ADD3: variants seen among roughly 807,000 people sequenced by gnomAD.
ADD3 encodes the protein adducin 3.
ADD3 carries 25 observed loss-of-function variants against 80.2 expected under a neutral mutation model. The ratio of observed to expected loss-of-function variants is 0.31; its 90% confidence interval spans 0.23 to 0.44. ADD3 has a LOEUF of 0.44. Among genes scored for constraint, ADD3 ranks in the 20% least tolerant of loss-of-function variants. The pLI is 1.00. For synonymous variants in ADD3, 284 were observed against 289.6 expected (o/e 0.98, Z 0.20); for missense variants, 829 against 847.5 (o/e 0.98, Z 0.27).
At chr10:110,079,264 A>C (rs1326273402) in intron 1 of ADD3, 1 of 152,104 alleles carries the variant, frequency 6.6e-6, no homozygotes, top group African/African-American at 2.4e-5. Context: ...GCTCCGTGGA[A>C]TTTCCTTTCT....
Position 110,128,324 on chromosome 10 carries a change from C to G in ADD3, c.1608+1821C>G, listed in dbSNP as rs569419292. On this transcript the variant is annotated intron_variant, in intron 12 of 14. Transcript: ENST00000356080. ...ATTTTTTTCTTTTCTCTCCTACTTG[C>G]CATCTCTTTATCTTTGTATCCTACT... Among the ~76,000 whole-genome samples, 119 of 151,854 alleles carry G rather than the reference C, an allele frequency of 7.8e-4. 1 individual carries two copies. Among genetic ancestry groups the G allele is most frequent in the African/African-American group, 2.8e-3 (116 of 41,492 alleles).
intron 1 of ADD3, among the ~76,000 whole-genome samples, chr10:110,075,934 T>C (rs896363384): frequency 1.3e-5 from 2 of 152,226 alleles, no homozygotes; most frequent in African/African-American, 4.8e-5. Flanking sequence ...GAGGATGTTC[T>C]AGGCCATCTC....
At chr10:110,124,351 A>C in intron 10 of ADD3, 77 bp downstream of exon 10, 1 of 1,482,850 alleles carries the variant, frequency 6.7e-7, no homozygotes, top group Non-Finnish European at 9.2e-7. Flanking sequence ...TTCTATATTG[A>C]AAATATTTGG....
intron 1 of ADD3, among the ~76,000 whole-genome samples, chr10:110,047,981 G>T (rs1256078349): frequency 6.6e-6 from 1 of 152,256 alleles, no homozygotes; most frequent in East Asian, 1.9e-4. Flanking sequence ...ATATGGTGTG[G>T]CTGTGTCCCC....
At chr10:110,085,768 G>C in intron 1 of ADD3, among the ~76,000 whole-genome samples, 1 of 152,170 alleles carries the variant, frequency 6.6e-6, no homozygotes, top group Non-Finnish European at 1.5e-5. Flanking sequence ...AAGTGAATTA[G>C]GCTGCTTGAG....
chr10:110,004,037 T>TTG (rs1851541711), upstream of ADD3, among the ~76,000 whole-genome samples: 4 of 151,960 alleles, frequency 2.6e-5, no homozygotes, highest in Non-Finnish European at 5.9e-5. Context: ...TGGGAAGAGG[T>TTG]AAAGAAATGC....
chr10:110,003,062 T>C (rs1437960089), upstream of ADD3, among the ~76,000 whole-genome samples: 1 of 152,206 alleles, frequency 6.6e-6, no homozygotes, highest in Non-Finnish European at 1.5e-5. Context: ...AAGTTTCAAA[T>C]GAATGGCTCA....
chr10:110,034,172 T>G (rs1855373472), intron 1 of ADD3, among the ~76,000 whole-genome samples: 1 of 152,140 alleles, frequency 6.6e-6, no homozygotes, highest in Non-Finnish European at 1.5e-5. Flanking sequence ...AGAGTTTATT[T>G]TTTTGATTAC....
chr10:110,128,334 A>G (rs115390248), intron 12 of ADD3, among the ~76,000 whole-genome samples: 1,738 of 151,562 alleles, frequency 0.011, 30 homozygotes, highest in African/African-American at 0.037. Flanking sequence ...CCATCTCTTT[A>G]TCTTTGTATC....
intron 2 of ADD3, among the ~76,000 whole-genome samples, chr10:110,105,017 G>A (rs886664794): frequency 1.3e-5 from 2 of 152,034 alleles, no homozygotes; most frequent in Non-Finnish European, 2.9e-5. Flanking sequence ...TTAATTCAAC[G>A]CAACCTGGAA....
chr10:110,040,662 T>G (rs1856199354), intron 1 of ADD3, among the ~76,000 whole-genome samples: 1 of 152,138 alleles, frequency 6.6e-6, no homozygotes, highest in African/African-American at 2.4e-5. Flanking sequence ...GATTTGTGTT[T>G]TAAAAATCTT....
At chr10:110,047,973 A>G (rs1309398361) in intron 1 of ADD3, among the ~76,000 whole-genome samples, 5 of 152,170 alleles carry the variant, frequency 3.3e-5, no homozygotes, top group African/African-American at 1.2e-4. Context: ...CTCAAGTGAT[A>G]TGGTGTGGCT....
intron 1 of ADD3, among the ~76,000 whole-genome samples, chr10:110,063,267 A>T (rs1043906728): frequency 6.6e-6 from 1 of 152,196 alleles, no homozygotes; most frequent in Admixed American, 6.5e-5. Context: ...ACAGTGATTG[A>T]ACATTGTGAT....
chr10:110,119,818 A>T (rs910931766), intron 8 of ADD3: 1 of 353,364 alleles, frequency 2.8e-6, no homozygotes, highest in African/African-American at 2.1e-5. Flanking sequence ...CTGCTTTTTA[A>T]GTTAGTACAA....
In ADD3 at chr10:110,133,827, A is replaced by G. The variant is rs1340463016; in HGVS notation, c.*209A>G. ...CAGAAATGGCTTTGAATTTTAAGCAATTACTAGTTTTAATTAGCTCTGCCC... is the reference window on the plus strand; with the variant it reads ...CAGAAATGGCTTTGAATTTTAAGCAGTTACTAGTTTTAATTAGCTCTGCCC... On this transcript the variant is annotated 3_prime_UTR_variant, in exon 15 of 15. Transcript: ENST00000356080. The G allele has an allele frequency of 7.3e-6, 3 of 411,182 alleles. No individual in the cohort carries two copies. The highest frequency in any genetic ancestry group is 5.8e-5 in the South Asian group (1 of 17,188). The allele number at this position is 411,182 out of a possible 1,614,324, so 25.5% of individuals were successfully genotyped here.
At chr10:110,024,437 G>C (rs1365539431) in intron 1 of ADD3, among the ~76,000 whole-genome samples, 4 of 152,176 alleles carry the variant, frequency 2.6e-5, no homozygotes, top group Admixed American at 2.6e-4. Context: ...AAGACTTTTT[G>C]CACATTTGAA....
At chr10:110,041,881 C>A (rs974739303) in intron 1 of ADD3, among the ~76,000 whole-genome samples, 1 of 152,210 alleles carries the variant, frequency 6.6e-6, no homozygotes, top group African/African-American at 2.4e-5. Flanking sequence ...TTTGGGATCA[C>A]AGACCCCCTG....
chr10:110,109,566 A>T (rs1420793022), intron 2 of ADD3, among the ~76,000 whole-genome samples: 1 of 152,218 alleles, frequency 6.6e-6, no homozygotes, highest in Non-Finnish European at 1.5e-5. Context: ...AATGAGTGAT[A>T]CACATAGTAG....
intron 2 of ADD3, among the ~76,000 whole-genome samples, chr10:110,111,736 A>G (rs1358319149): frequency 1.3e-5 from 2 of 152,104 alleles, no homozygotes; most frequent in Non-Finnish European, 2.9e-5. Context: ...ACCAACATAG[A>G]GAAACCCTGT....
Sources: gnomAD v4.1 joint callset for allele counts (sites outside exome capture counted in the v4.1 genomes callset) on GRCh38, gnomAD v4.1.1 for gene constraint, MANE v1.5 for transcripts, NCBI Gene and HGNC (gene_info 2026-07-23, HGNC 2026-07-21) for gene names.